Variants in HS2ST1 observed in about 807,000 individuals in gnomAD.
HS2ST1 encodes 2-O-sulfotransferase.
A neutral mutation model predicts 42.9 loss-of-function variants in HS2ST1; 18 were observed. The observed-to-expected ratio is 0.42, with a 90% CI of 0.29 to 0.62. HS2ST1 has a LOEUF of 0.62. Ranked by LOEUF, HS2ST1 falls within the 20% of genes least tolerant of loss-of-function variation. The probability of loss-of-function intolerance (pLI) is 0.21; values close to 1 mark genes in which losing one functional copy is unlikely to be tolerated. For synonymous variants in HS2ST1, 146 were observed against 152.9 expected (o/e 0.95, Z 0.33); for missense variants, 334 against 433.8 (o/e 0.77, Z 2.04).
intron 1 of HS2ST1, among the ~76,000 whole-genome samples, chr1:86,949,469 C>G (rs1373217297): frequency 6.6e-6 from 1 of 152,078 alleles, no homozygotes; most frequent in East Asian, 1.9e-4. Flanking sequence ...GAAATAGAGG[C>G]TTAAGCAGGA....
At chr1:86,922,302 A>G (rs1159438125) in intron 1 of HS2ST1, among the ~76,000 whole-genome samples, 1 of 151,750 alleles carries the variant, frequency 6.6e-6, no homozygotes, top group Non-Finnish European at 1.5e-5. Flanking sequence ...ACTTCTATAC[A>G]TGAGTCCTAC....
At chr1:87,103,358 A>G (rs1652260024) in intron 5 of HS2ST1, 74 bp from the exon 6 acceptor site, 2 of 1,317,870 alleles carry the variant, frequency 1.5e-6, no homozygotes, top group South Asian at 1.5e-5. Flanking sequence ...TCTCTGTAAT[A>G]TATGGTGTCA....
chr1:87,095,639 A>G lies in HS2ST1; in HGVS notation c.589-2199A>G, dbSNP rs1476135096. ...ATCCAAAGATGAGCATTGAATAACT[A>G]TATCAATCAAATCAGTGGTTCTCAA... On this transcript the variant is annotated intron_variant, in intron 4 of 6. Coordinates refer to ENST00000370550, the MANE Select transcript of HS2ST1 (RefSeq NM_012262.4). 4.6e-5 allele frequency among the ~76,000 whole-genome samples: 7 copies of G among 152,322 alleles called. No individual in the cohort carries two copies. The East Asian group carries it at 5.8e-4, about 13-fold the overall frequency.
intron 1 of HS2ST1, among the ~76,000 whole-genome samples, chr1:87,058,357 T>C (rs1218486609): frequency 6.6e-6 from 1 of 151,850 alleles, no homozygotes; most frequent in African/African-American, 2.4e-5. Context: ...ACAAAAAGGA[T>C]TCTGCCTCTT....
At chr1:86,980,295 CATT>C (rs1648539824) in intron 1 of HS2ST1, among the ~76,000 whole-genome samples, 1 of 152,100 alleles carries the variant, frequency 6.6e-6, no homozygotes, top group Admixed American at 6.5e-5. Context: ...ATTTATATGA[CATT>C]GTGCCTTCAA....
At chr1:86,971,313 C>CA (rs570518145) in intron 1 of HS2ST1, among the ~76,000 whole-genome samples, 14 of 151,034 alleles carry the variant, frequency 9.3e-5, no homozygotes, top group African/African-American at 1.5e-4. Flanking sequence ...CAAAACAAAA[C>CA]AAAAAAAAAC....
intron 1 of HS2ST1, among the ~76,000 whole-genome samples, chr1:87,004,044 A>T (rs1377904521): frequency 3.8e-5 from 1 of 26,482 alleles, no homozygotes; most frequent in Non-Finnish European, 1.1e-4. Context: ...TGTTTATGCC[A>T]CCAAACAGCT....
In HS2ST1 at chr1:87,056,227, G is replaced by A. The variant is rs12401302; in HGVS notation, c.125-16707G>A. On this transcript the variant is annotated intron_variant, in intron 1 of 6. Coordinates refer to ENST00000370550, the MANE Select transcript of HS2ST1 (RefSeq NM_012262.4). ...TTGTTATGAAGCAAGATTGCCTCTC[G>A]TGTTTGCGCTATTTTCTGCATATGT... Among the ~76,000 whole-genome samples the A allele has an allele frequency of 2.7e-3, 406 of 152,232 alleles. 5 individuals are homozygous for A. Among genetic ancestry groups the A allele is most frequent in the Admixed American group, 0.024 (363 of 15,292 alleles).
intron 1 of HS2ST1, among the ~76,000 whole-genome samples, chr1:86,968,659 G>A (rs949828867): frequency 2.6e-5 from 4 of 151,842 alleles, no homozygotes; most frequent in African/African-American, 4.8e-5. Context: ...TCCTACCTCC[G>A]CCTTCCTAAG....
chr1:86,931,149 G>A (rs373848366), intron 1 of HS2ST1, among the ~76,000 whole-genome samples: 2 of 151,960 alleles, frequency 1.3e-5, no homozygotes, highest in African/African-American at 4.8e-5. Context: ...TGTACATGAC[G>A]TTGAATGTAG....
intron 1 of HS2ST1, among the ~76,000 whole-genome samples, chr1:87,044,466 A>ATTGTT (rs1650596980): frequency 6.6e-6 from 1 of 152,198 alleles, no homozygotes; most frequent in Admixed American, 6.5e-5. Flanking sequence ...GCCATTTAAC[A>ATTGTT]TTTAAAAACA....
At chr1:86,976,573 T>C (rs1648405568) in intron 1 of HS2ST1, among the ~76,000 whole-genome samples, 2 of 151,664 alleles carry the variant, frequency 1.3e-5, no homozygotes, top group South Asian at 4.2e-4. Flanking sequence ...GAGCTTAATT[T>C]AACACCACTT....
At position 86,919,077 on chromosome 1, in the gene HS2ST1, G is replaced by A. The variant is rs191615644; in HGVS notation, c.124+3917G>A. On this transcript the variant is annotated intron_variant, in intron 1 of 6. Coordinates refer to ENST00000370550, the MANE Select transcript of HS2ST1 (RefSeq NM_012262.4). ...CTCCTGCCTCAGCCTCCCAAGTAGCGGGGATTGCAGGTACGTGCCACCACG... is the reference window on the plus strand; with the variant it reads ...CTCCTGCCTCAGCCTCCCAAGTAGCAGGGATTGCAGGTACGTGCCACCACG... Among the ~76,000 whole-genome samples, 420 of 151,594 alleles carry A rather than the reference G, an allele frequency of 2.8e-3. 1 individual carries two copies. Among genetic ancestry groups the A allele is most frequent in the African/African-American group, 9.4e-3 (390 of 41,342 alleles).
At chr1:87,098,239 G>A in intron 5 of HS2ST1, 1 of 946,794 alleles carries the variant, frequency 1.1e-6, no homozygotes, top group South Asian at 4.4e-5. Context: ...GGGGGTGGGT[G>A]TCATAAATCT....
At chr1:86,978,610 A>G (rs756505008) in intron 1 of HS2ST1, among the ~76,000 whole-genome samples, 2 of 152,186 alleles carry the variant, frequency 1.3e-5, no homozygotes, top group Non-Finnish European at 2.9e-5. Flanking sequence ...TTAAACATTT[A>G]GTAAGTTTGT....
chr1:87,018,785 C>T (rs4357505), intron 1 of HS2ST1, among the ~76,000 whole-genome samples: 111,885 of 152,020 alleles, frequency 0.74, 42,742 homozygotes, highest in East Asian at 0.97. Flanking sequence ...TGCGCCTTAT[C>T]ATGTTCTAGA....
intron 1 of HS2ST1, among the ~76,000 whole-genome samples, chr1:86,983,752 AT>A (rs1304564638): frequency 2.0e-5 from 3 of 151,700 alleles, no homozygotes; most frequent in Admixed American, 6.6e-5. Context: ...AAAAAAAAAA[AT>A]TTGGCAAGGC....
In HS2ST1 at chr1:87,106,345, G is replaced by A. The variant is rs1471258181; in HGVS notation, c.*1649G>A. On this transcript the variant is annotated 3_prime_UTR_variant, in exon 7 of 7. Coordinates refer to ENST00000370550, the MANE Select transcript of HS2ST1 (RefSeq NM_012262.4). Reference sequence around the variant, plus strand: ...AAGTTCACTGTTAGAAATAGGCTTTGTTAGCTGACTAGGGTCAGGGAAACT... The same window carrying A: ...AAGTTCACTGTTAGAAATAGGCTTTATTAGCTGACTAGGGTCAGGGAAACT... 6.6e-6 allele frequency: 1 copy of A among 152,426 alleles called. No individual in the cohort carries two copies. The highest frequency in any genetic ancestry group is 1.5e-5 in the Non-Finnish European group (1 of 67,954). The allele number at this position is 152,426 out of a possible 1,614,324, so 9.4% of individuals were successfully genotyped here. A position where few individuals can be genotyped will look rare whatever the true frequency, so the allele number is the denominator to read the frequency against.
chr1:87,072,188 T>C (rs1230231181), intron 1 of HS2ST1, among the ~76,000 whole-genome samples: 3 of 152,150 alleles, frequency 2.0e-5, no homozygotes, highest in East Asian at 3.8e-4. Flanking sequence ...AGCCATGTGC[T>C]AAACATAGTT....
Sources: allele counts gnomAD v4.1 joint callset (sites outside exome capture counted in the v4.1 genomes callset), GRCh38; gene constraint gnomAD v4.1.1; transcripts MANE v1.5; gene names NCBI Gene and HGNC (gene_info 2026-07-23, HGNC 2026-07-21).